Variants in CACNA2D1 observed in about 807,000 individuals in gnomAD.
CACNA2D1 encodes calcium voltage-gated channel auxiliary subunit alpha2delta 1.
In CACNA2D1, 53 loss-of-function variants were observed where a neutral mutation model predicts 171.5. That is an observed-to-expected ratio of 0.31 (90% CI 0.25 to 0.39). The LOEUF (loss-of-function observed/expected upper bound fraction) is 0.39. Among genes scored for constraint, CACNA2D1 ranks in the 10% least tolerant of loss-of-function variants. The pLI is 1.00. For synonymous variants in CACNA2D1, 442 were observed against 443.1 expected (o/e 1.00, Z 0.03); for missense variants, 903 against 1,299.8 (o/e 0.69, Z 4.69).
At chr7:82,282,951 T>C (rs1224515991) in intron 3 of CACNA2D1, among the ~76,000 whole-genome samples, 1 of 152,156 alleles carries the variant, frequency 6.6e-6, no homozygotes, top group Admixed American at 6.5e-5. Context: ...ATAAAACTGG[T>C]AATGCCATGG....
chr7:82,423,913 A>G (rs925242373), intron 1 of CACNA2D1, among the ~76,000 whole-genome samples: 1 of 152,226 alleles, frequency 6.6e-6, no homozygotes, highest in Non-Finnish European at 1.5e-5. Context: ...ACACTTTTAA[A>G]ACAGTTTGGA....
At chr7:82,246,921 C>A (rs1294718728) in intron 3 of CACNA2D1, among the ~76,000 whole-genome samples, 2 of 151,992 alleles carry the variant, frequency 1.3e-5, no homozygotes, top group East Asian at 3.9e-4. Flanking sequence ...AAGAAGACAC[C>A]CCATATCTAG....
At chr7:82,048,255 T>TA (rs1804778438) in intron 10 of CACNA2D1, among the ~76,000 whole-genome samples, 1 of 152,060 alleles carries the variant, frequency 6.6e-6, no homozygotes, top group Admixed American at 6.6e-5. Context: ...GATTATGATA[T>TA]AAATTAATGA....
chr7:82,189,139 C>T (rs1026412904), intron 3 of CACNA2D1, among the ~76,000 whole-genome samples: 1 of 151,978 alleles, frequency 6.6e-6, no homozygotes, highest in Non-Finnish European at 1.5e-5. Context: ...ATCTGTATAA[C>T]AAACCTGCAC....
At chr7:82,427,883 C>T (rs571675558) in intron 1 of CACNA2D1, among the ~76,000 whole-genome samples, 1 of 152,040 alleles carries the variant, frequency 6.6e-6, no homozygotes, top group East Asian at 1.9e-4. Flanking sequence ...ATGAGGAAAC[C>T]TGATTAGAAA....
At chr7:82,403,030 G>A (rs1003633853) in intron 1 of CACNA2D1, among the ~76,000 whole-genome samples, 1 of 152,132 alleles carries the variant, frequency 6.6e-6, no homozygotes, top group Admixed American at 6.5e-5. Flanking sequence ...CTAAATTTGG[G>A]TGGAAGGGGA....
intron 3 of CACNA2D1, among the ~76,000 whole-genome samples, chr7:82,299,969 G>C (rs1812800819): frequency 6.6e-6 from 1 of 152,114 alleles, no homozygotes; most frequent in Non-Finnish European, 1.5e-5. Flanking sequence ...ACTGAAATGG[G>C]CGCGTATGGA....
intron 26 of CACNA2D1, chr7:81,971,065 A>AG (rs1469450657): frequency 7.3e-6 from 2 of 274,510 alleles, no homozygotes; most frequent in East Asian, 8.3e-5. Flanking sequence ...TGTTTGGTAT[A>AG]GAAAAAAAAC....
intron 10 of CACNA2D1, among the ~76,000 whole-genome samples, chr7:82,042,680 G>C (rs1804104218): frequency 6.6e-6 from 1 of 152,032 alleles, no homozygotes; most frequent in South Asian, 2.1e-4. Context: ...TCCAGCATTG[G>C]GGCATTCTTT....
In CACNA2D1 at chr7:82,223,725, G is replaced by A. The variant is rs182897196; in HGVS notation, c.295-53116C>T. 3.7e-4 allele frequency among the ~76,000 whole-genome samples: 57 copies of A among 152,164 alleles called. 1 individual carries two copies. The East Asian group carries it at 5.4e-3, about 14-fold the overall frequency. On this transcript the variant is annotated intron_variant, in intron 3 of 38. Coordinates refer to ENST00000356860, the MANE Select transcript of CACNA2D1 (RefSeq NM_000722.4). The stretch of plus-strand genomic sequence containing the variant: ...GACAGCATCATGTCTCACTTAAACC[G>A]CTGCAATAGCTTCTAATTGGCCTTC...
rs1413448657 is a variant in CACNA2D1, at chr7:82,099,468, G to T, written c.527-14568C>A. Among the ~76,000 whole-genome samples the T allele has an allele frequency of 3.3e-4, 3 of 9,122 alleles. 1 individual carries two copies. The East Asian group carries it at 0.015, about 47-fold the overall frequency. The allele number at this position is 9,122 out of a possible 152,430, so 6.0% of individuals were successfully genotyped here. ...TTTTTTTTTTTTTTTTTTTTTTTTT[G>T]AGACGGAGTCTCGCTCTGTCGCCCA... On this transcript the variant is annotated intron_variant, in intron 6 of 38. Transcript: ENST00000356860.
chr7:82,171,721 G>C (rs1796037890), intron 3 of CACNA2D1, among the ~76,000 whole-genome samples: 1 of 152,110 alleles, frequency 6.6e-6, no homozygotes, highest in Non-Finnish European at 1.5e-5. Context: ...TTTGTGGTTT[G>C]CCTTATGCAG....
chr7:82,120,320 G>A lies in CACNA2D1; in HGVS notation c.397-3147C>T, dbSNP rs558605083. ...ATCTCTAAATACATCCTGGTTTTTT[G>A]TAGTTTTTGTACAGTTGTTATTTAC... is the stretch of plus-strand genomic sequence containing the variant. On this transcript the variant is annotated intron_variant, in intron 5 of 38. Transcript: ENST00000356860. Among the ~76,000 whole-genome samples the A allele has an allele frequency of 7.8e-4, 118 of 152,212 alleles. 1 individual carries two copies. Among genetic ancestry groups the A allele is most frequent in the African/African-American group, 2.7e-3 (114 of 41,540 alleles).
chr7:81,995,173 T>G (rs1391836991), intron 19 of CACNA2D1, among the ~76,000 whole-genome samples: 1 of 152,166 alleles, frequency 6.6e-6, no homozygotes, highest in Non-Finnish European at 1.5e-5. Context: ...TGAAATATTT[T>G]CAACCTGTTG....
intron 1 of CACNA2D1, among the ~76,000 whole-genome samples, chr7:82,380,715 G>C (rs1823599288): frequency 6.6e-6 from 1 of 151,872 alleles, no homozygotes; most frequent in Non-Finnish European, 1.5e-5. Context: ...TTTGTTTTGA[G>C]ACAGAGTCTT....
chr7:82,301,808 A>C (rs1303340403), intron 3 of CACNA2D1, among the ~76,000 whole-genome samples: 3 of 151,244 alleles, frequency 2.0e-5, no homozygotes, highest in Non-Finnish European at 2.9e-5. Context: ...CCCAGGCTGG[A>C]GTGCAGTTGT....
intron 3 of CACNA2D1, among the ~76,000 whole-genome samples, chr7:82,298,181 CTAG>C (rs935528351): frequency 4.6e-5 from 7 of 152,034 alleles, no homozygotes; most frequent in African/African-American, 1.7e-4. Context: ...ACTCTAAAAA[CTAG>C]TATCATGTAA....
chr7:82,359,510 G>A (rs1454055611), intron 1 of CACNA2D1, among the ~76,000 whole-genome samples: 5 of 152,066 alleles, frequency 3.3e-5, no homozygotes, highest in Admixed American at 1.3e-4. Flanking sequence ...GCACTGAACT[G>A]TTTTACAAAT....
At chr7:82,323,079 T>G (rs1816192133) in intron 3 of CACNA2D1, among the ~76,000 whole-genome samples, 1 of 152,210 alleles carries the variant, frequency 6.6e-6, no homozygotes, top group South Asian at 2.1e-4. Flanking sequence ...TACCAAACAT[T>G]ACTTGATCAG....
Sources: gnomAD v4.1 joint callset for allele counts (sites outside exome capture counted in the v4.1 genomes callset) on GRCh38, gnomAD v4.1.1 for gene constraint, MANE v1.5 for transcripts, NCBI Gene and HGNC (gene_info 2026-07-23, HGNC 2026-07-21) for gene names.